The following PTPRD variants were observed in gnomAD, a reference collection of about 807,000 sequenced individuals.
PTPRD encodes the protein receptor-type tyrosine-protein phosphatase delta.
PTPRD carries 34 observed loss-of-function variants against 214.5 expected under a neutral mutation model. The ratio of observed to expected loss-of-function variants is 0.16; its 90% confidence interval spans 0.12 to 0.21. PTPRD has a LOEUF of 0.21. Ranked by LOEUF, PTPRD falls within the 10% of genes least tolerant of loss-of-function variation. PTPRD has a pLI of 1.00. For synonymous variants in PTPRD, 1,128 were observed against 845.7 expected, an observed-to-expected ratio of 1.33 and a Z score of -5.79; for missense variants, 2,545 against 2,398.7, an observed-to-expected ratio of 1.06 and a Z score of -1.27.
chr9:8,965,583 T>C (rs1391416317), intron 11 of PTPRD, among the ~76,000 whole-genome samples: 1 of 152,120 alleles, frequency 6.6e-6, no homozygotes, highest in African/African-American at 2.4e-5. Flanking sequence ...TACCATTATG[T>C]AATGCCCTTC....
chr9:10,245,933 C>G (rs1255299464), intron 3 of PTPRD, among the ~76,000 whole-genome samples: 1 of 152,000 alleles, frequency 6.6e-6, no homozygotes, highest in Non-Finnish European at 1.5e-5. Flanking sequence ...ATACTATAAG[C>G]CAAATCAGTG....
chr9:9,508,959 G>A (rs757647584), intron 8 of PTPRD, among the ~76,000 whole-genome samples: 6 of 151,324 alleles, frequency 4.0e-5, no homozygotes, highest in African/African-American at 7.3e-5. Context: ...TACTGCGTTC[G>A]CTAAATATGG....
At chr9:8,461,372 C>G (rs1216868457) in intron 32 of PTPRD, among the ~76,000 whole-genome samples, 1 of 152,056 alleles carries the variant, frequency 6.6e-6, no homozygotes, top group Non-Finnish European at 1.5e-5. Flanking sequence ...AATACAGTTA[C>G]TTGGAGAAGA....
At position 10,491,517 on chromosome 9, in the gene PTPRD, A is replaced by C. The variant is rs143657192; in HGVS notation, c.-600+120881T>G. On this transcript the variant is annotated intron_variant, in intron 2 of 45. Coordinates refer to ENST00000381196, the MANE Select transcript of PTPRD (RefSeq NM_002839.4). Reference sequence around the variant, plus strand: ...ATAGATGCTACATCATTTTTATTGCATGCCTACAAGATGAACAAAAAAAAC... The same window carrying C: ...ATAGATGCTACATCATTTTTATTGCCTGCCTACAAGATGAACAAAAAAAAC... Among the ~76,000 whole-genome samples, 40 of 152,124 alleles carry C rather than the reference A, an allele frequency of 2.6e-4. No individual in the cohort carries two copies. The East Asian group carries it at 7.7e-3, about 29-fold the overall frequency.
At chr9:9,857,085 G>C (rs1340826229) in intron 5 of PTPRD, among the ~76,000 whole-genome samples, 1 of 152,156 alleles carries the variant, frequency 6.6e-6, no homozygotes, top group African/African-American at 2.4e-5. Context: ...CCCCGGGGCA[G>C]CATAAAGACA....
chr9:10,229,240 T>G (rs190782549), intron 3 of PTPRD, among the ~76,000 whole-genome samples: 5 of 152,134 alleles, frequency 3.3e-5, no homozygotes, highest in African/African-American at 9.6e-5. Flanking sequence ...AGGAACACTT[T>G]TACACTGTTG....
Position 9,435,863 on chromosome 9 carries a change from G to T in PTPRD, c.-236-38381C>A, listed in dbSNP as rs150734480. ...TACCCATTTTTAATTACCAGCAAAA[G>T]ATTTAATATTGTTGAAAAGCAAAGT... On this transcript the variant is annotated intron_variant, in intron 8 of 45. Transcript: ENST00000381196. Among the ~76,000 whole-genome samples the T allele has an allele frequency of 5.0e-4, 76 of 152,266 alleles. 1 individual carries two copies. The East Asian group carries it at 0.015, about 29-fold the overall frequency.
chr9:10,295,180 G>A (rs1365654797), intron 3 of PTPRD, among the ~76,000 whole-genome samples: 1 of 151,966 alleles, frequency 6.6e-6, no homozygotes. Flanking sequence ...ACCCTTTAAT[G>A]TTTTGTGCTA....
At chr9:9,795,960 T>C (rs2098999697) in intron 5 of PTPRD, among the ~76,000 whole-genome samples, 3 of 152,160 alleles carry the variant, frequency 2.0e-5, no homozygotes, top group Non-Finnish European at 1.5e-5. Context: ...GAAGAATATA[T>C]CAATGACTAT....
In PTPRD at chr9:9,516,424, T is replaced by G. The variant is rs575609232; in HGVS notation, c.-237+58308A>C. ...AAAGATGAACACCTTACATAAAAGATTCTTAAATTCTCTAATGGAAGCCAA... is the reference window on the plus strand; with the variant it reads ...AAAGATGAACACCTTACATAAAAGAGTCTTAAATTCTCTAATGGAAGCCAA... On this transcript the variant is annotated intron_variant, in intron 8 of 45. Coordinates refer to ENST00000381196, the MANE Select transcript of PTPRD (RefSeq NM_002839.4). 5.9e-5 allele frequency among the ~76,000 whole-genome samples: 9 copies of G among 151,976 alleles called. No individual in the cohort carries two copies. The South Asian group carries it at 1.9e-3, about 31-fold the overall frequency.
chr9:9,468,081 G>C (rs958847948), intron 8 of PTPRD, among the ~76,000 whole-genome samples: 3 of 151,892 alleles, frequency 2.0e-5, no homozygotes, highest in African/African-American at 7.3e-5. Context: ...TTACTTCTTA[G>C]GATTTGTAGA....
At chr9:9,068,079 T>C (rs1400552431) in intron 10 of PTPRD, among the ~76,000 whole-genome samples, 1 of 152,128 alleles carries the variant, frequency 6.6e-6, no homozygotes, top group Non-Finnish European at 1.5e-5. Context: ...ATAAATACAT[T>C]TAATATTTAA....
chr9:9,152,224 C>G (rs922451088), intron 10 of PTPRD, among the ~76,000 whole-genome samples: 2 of 152,152 alleles, frequency 1.3e-5, no homozygotes, highest in Admixed American at 1.3e-4. Context: ...AAATCAGAGC[C>G]ATGGCATTTT....
chr9:8,921,089 C>T (rs528750413), intron 11 of PTPRD, among the ~76,000 whole-genome samples: 2 of 152,306 alleles, frequency 1.3e-5, no homozygotes, highest in South Asian at 4.1e-4. Context: ...GTTGGGATTA[C>T]AGGCGTGAAC....
intron 7 of PTPRD, among the ~76,000 whole-genome samples, chr9:9,591,139 C>T (rs1008968103): frequency 2.7e-5 from 4 of 147,928 alleles, no homozygotes; most frequent in Admixed American, 1.3e-4. Flanking sequence ...ATTCTAATCA[C>T]ACGAATCCTT....
chr9:9,299,626 A>G (rs906308972), intron 9 of PTPRD, among the ~76,000 whole-genome samples: 1 of 151,918 alleles, frequency 6.6e-6, no homozygotes, highest in African/African-American at 2.4e-5. Flanking sequence ...AAGGTCATCC[A>G]TACACATCTT....
intron 3 of PTPRD, among the ~76,000 whole-genome samples, chr9:10,037,131 T>C (rs2097199141): frequency 3.9e-5 from 6 of 151,900 alleles, no homozygotes; most frequent in Admixed American, 3.9e-4. Flanking sequence ...ACTCAAGCAG[T>C]CCTTCTGCCT....
At chr9:9,852,876 C>G (rs1228811113) in intron 5 of PTPRD, among the ~76,000 whole-genome samples, 1 of 152,088 alleles carries the variant, frequency 6.6e-6, no homozygotes, top group South Asian at 2.1e-4. Context: ...TAAATCTACA[C>G]AATAGCAGAT....
Position 8,702,358 on chromosome 9 carries a change from T to C in PTPRD, c.64+31422A>G, listed in dbSNP as rs538823159. On this transcript the variant is annotated intron_variant, in intron 12 of 45. Transcript: ENST00000381196. ...GCCTTATCTTCTGTGGTCTTTTTTT[T>C]ATACTTCTTGCTTCTCAGTTGGATC... Among the ~76,000 whole-genome samples the C allele has an allele frequency of 2.4e-4, 37 of 152,308 alleles. No individual in the cohort carries two copies. The South Asian group carries it at 7.3e-3, about 30-fold the overall frequency.
Sources: gnomAD v4.1 joint callset for allele counts (sites outside exome capture counted in the v4.1 genomes callset) on GRCh38, gnomAD v4.1.1 for gene constraint, MANE v1.5 for transcripts, NCBI Gene and HGNC (gene_info 2026-07-23, HGNC 2026-07-21) for gene names.